Variants in LY96 observed in about 807,000 individuals in gnomAD.
The protein encoded by LY96 is lymphocyte antigen 96, also known as myeloid differentiation protein-2.
In LY96, 18 loss-of-function variants were observed where a neutral mutation model predicts 18.9. The observed-to-expected ratio is 0.95, with a 90% CI of 0.66 to 1.41. LY96 has a LOEUF of 1.41. LY96 is among the 40% of genes most tolerant of loss of function. LY96 has a pLI of 0.00. For missense variants in LY96, 175 were observed against 182.4 expected (o/e 0.96, Z 0.23); for synonymous variants, 66 against 62.6 (o/e 1.06, Z -0.26).
chr8:74,015,842 A>G (rs566543359), intron 3 of LY96, among the ~76,000 whole-genome samples: 10 of 152,320 alleles, frequency 6.6e-5, no homozygotes, highest in African/African-American at 1.9e-4. Flanking sequence ...GCCTTCTTCA[A>G]TGTGGGCAAA....
chr8:74,094,808 G>C, the LY96 span, among the ~76,000 whole-genome samples: 1 of 152,212 alleles, frequency 6.6e-6, no homozygotes, highest in East Asian at 1.9e-4. Flanking sequence ...TTTTAAGGCA[G>C]ATTTTCCATT....
the LY96 span, among the ~76,000 whole-genome samples, chr8:74,081,552 C>A: frequency 6.6e-6 from 1 of 151,812 alleles, no homozygotes; most frequent in Non-Finnish European, 1.5e-5. Flanking sequence ...AGCCATCATG[C>A]CTAGCTAATT....
At position 74,026,801 on chromosome 8, in the gene LY96, C is replaced by T. The variant is rs766285148; in HGVS notation, c.344C>T (p.Thr115Ile). 2.0e-6 allele frequency: 3 copies of T among 1,525,758 alleles called. No individual in the cohort carries two copies. The highest frequency in any genetic ancestry group is 2.7e-6 in the Non-Finnish European group (3 of 1,101,176). 94.5% of individuals were successfully genotyped at this position (1,525,758 alleles called of 1,614,324 possible). A position where few individuals can be genotyped will look rare whatever the true frequency, so the allele number is the denominator to read the frequency against. ...ATTTTGTTTGCAGAGACTGTGAATA[C>T]AACAATATCATTCTCCTTCAAGGGA... ...CRALKGETVNTTISFSFKGIK... is the reference protein window; with the variant it reads ...CRALKGETVNITISFSFKGIK... Residue 115 changes from threonine to isoleucine, a missense_variant, in exon 4 of 5, where the codon ACA becomes ATA. Transcript: ENST00000284818.
chr8:74,012,947 C>T (rs1816559362), intron 3 of LY96, among the ~76,000 whole-genome samples: 1 of 151,546 alleles, frequency 6.6e-6, no homozygotes, highest in South Asian at 2.1e-4. Context: ...GGCAGAAAAA[C>T]TGGGATAAGT....
chr8:74,041,169 A>G, the LY96 span, among the ~76,000 whole-genome samples: 1 of 152,036 alleles, frequency 6.6e-6, no homozygotes, highest in Non-Finnish European at 1.5e-5. Context: ...CTTTATTTCA[A>G]TCTCTGAACA....
intron 3 of LY96, among the ~76,000 whole-genome samples, chr8:74,012,291 C>A (rs937365930): frequency 2.6e-5 from 4 of 152,074 alleles, no homozygotes; most frequent in Non-Finnish European, 5.9e-5. Flanking sequence ...ACCTAAGTGT[C>A]CATCAACAGA....
At chr8:74,060,845 C>T in the LY96 span, among the ~76,000 whole-genome samples, 1 of 152,158 alleles carries the variant, frequency 6.6e-6, no homozygotes, top group Admixed American at 6.5e-5. Context: ...AATTCCAGGC[C>T]CACGTGGTCC....
chr8:74,062,220 A>G, the LY96 span, among the ~76,000 whole-genome samples: 1 of 152,106 alleles, frequency 6.6e-6, no homozygotes, highest in Non-Finnish European at 1.5e-5. Context: ...GTACTCTTTT[A>G]GTATCTTTTT....
At chr8:74,066,561 AG>A in the LY96 span, among the ~76,000 whole-genome samples, 5 of 152,166 alleles carry the variant, frequency 3.3e-5, no homozygotes, top group African/African-American at 1.2e-4. Flanking sequence ...TGTGGAGAAA[AG>A]AAGTATAAAA....
At chr8:74,056,113 T>C in the LY96 span, 1 of 176,788 alleles carries the variant, frequency 5.7e-6, no homozygotes, top group South Asian at 1.1e-4. Context: ...TGGAGAATGA[T>C]GAAGCTGCAT....
At chr8:74,059,509 T>C in the LY96 span, among the ~76,000 whole-genome samples, 4 of 152,218 alleles carry the variant, frequency 2.6e-5, no homozygotes, top group Non-Finnish European at 5.9e-5. Context: ...TAATTAGATC[T>C]GGGAACAGAT....
chr8:74,004,041 C>A (rs1435854454), intron 1 of LY96, among the ~76,000 whole-genome samples: 2 of 152,122 alleles, frequency 1.3e-5, no homozygotes, highest in Non-Finnish European at 2.9e-5. Context: ...TCTCCATTCC[C>A]CTGCCAGGCA....
chr8:74,010,219 C>G (rs776753907), intron 3 of LY96, 90 bp downstream of exon 3: 25 of 1,234,332 alleles, frequency 2.0e-5, no homozygotes, highest in Middle Eastern at 2.2e-4. Flanking sequence ...ATGGGAAGTT[C>G]CTTTTCTGCT....
chr8:74,072,452 T>C, the LY96 span, among the ~76,000 whole-genome samples: 1 of 152,232 alleles, frequency 6.6e-6, no homozygotes, highest in East Asian at 1.9e-4. Flanking sequence ...TAACATATGG[T>C]TAAAATATAA....
the LY96 span, among the ~76,000 whole-genome samples, chr8:74,058,363 T>C: frequency 6.6e-6 from 1 of 152,182 alleles, no homozygotes; most frequent in Non-Finnish European, 1.5e-5. Context: ...AACTTTCTGC[T>C]ACTCATGAAC....
the LY96 span, among the ~76,000 whole-genome samples, chr8:74,076,047 A>T: frequency 6.6e-6 from 1 of 152,008 alleles, no homozygotes; most frequent in Non-Finnish European, 1.5e-5. Flanking sequence ...TCAGGCCAAT[A>T]GCTGGACCTT....
intron 1 of LY96, among the ~76,000 whole-genome samples, chr8:73,997,013 G>T (rs901933304): frequency 5.9e-5 from 9 of 152,210 alleles, no homozygotes; most frequent in Non-Finnish European, 8.8e-5. Flanking sequence ...CCAAAGTGCT[G>T]GGATTACAGG....
the LY96 span, among the ~76,000 whole-genome samples, chr8:74,057,890 G>T: frequency 6.6e-6 from 1 of 152,184 alleles, no homozygotes; most frequent in Non-Finnish European, 1.5e-5. Context: ...TAAAAATGCG[G>T]AATAGAAGGG....
intron 1 of LY96, among the ~76,000 whole-genome samples, chr8:73,999,876 C>T (rs1208805802): frequency 2.0e-5 from 3 of 151,974 alleles, no homozygotes; most frequent in African/African-American, 7.2e-5. Context: ...ACTATGTCAT[C>T]TGCAAAAAGA....
Sources: gnomAD v4.1 joint callset for allele counts (sites outside exome capture counted in the v4.1 genomes callset) on GRCh38, gnomAD v4.1.1 for gene constraint, MANE v1.5 for transcripts, NCBI Gene and HGNC (gene_info 2026-07-23, HGNC 2026-07-21) for gene names.